NAALADL2: variants seen among roughly 807,000 people sequenced by gnomAD.
The protein encoded by NAALADL2 is inactive N-acetylated-alpha-linked acidic dipeptidase-like protein 2.
NAALADL2 carries 76 observed loss-of-function variants against 87.2 expected under a neutral mutation model. The ratio of observed to expected loss-of-function variants is 0.87; its 90% confidence interval spans 0.72 to 1.05. The LOEUF (loss-of-function observed/expected upper bound fraction) is 1.05. Ranked by LOEUF, NAALADL2 falls within the 50% of genes least tolerant of loss-of-function variation. The pLI is 0.00. For missense variants in NAALADL2, 1,089 were observed against 945.8 expected, an observed-to-expected ratio of 1.15 and a Z score of -1.99; for synonymous variants, 354 against 331.0, an observed-to-expected ratio of 1.07 and a Z score of -0.75.
intron 1 of NAALADL2, among the ~76,000 whole-genome samples, chr3:175,083,920 TAACTC>T (rs1424810637): frequency 6.6e-6 from 1 of 152,150 alleles, no homozygotes; most frequent in Non-Finnish European, 1.5e-5. Context: ...AGATAAAAGA[TAACTC>T]AACAAATTAA....
intron 2 of NAALADL2, among the ~76,000 whole-genome samples, chr3:174,629,739 T>A (rs1721927069): frequency 6.6e-6 from 1 of 152,220 alleles, no homozygotes; most frequent in South Asian, 2.1e-4. Context: ...CTTGAGGGGC[T>A]TAGCTATTTC....
At chr3:174,990,482 G>A (rs901980336) in intron 1 of NAALADL2, among the ~76,000 whole-genome samples, 2 of 152,100 alleles carry the variant, frequency 1.3e-5, no homozygotes, top group Non-Finnish European at 2.9e-5. Context: ...TATAGTTGGA[G>A]GGTTTTTATA....
intron 1 of NAALADL2, among the ~76,000 whole-genome samples, chr3:174,939,394 G>T (rs1159244052): frequency 6.6e-6 from 1 of 152,048 alleles, no homozygotes; most frequent in Non-Finnish European, 1.5e-5. Context: ...GTGCCATGCT[G>T]CTTTGGTTAC....
At chr3:175,059,808 G>T in intron 1 of NAALADL2, 1 of 306,272 alleles carries the variant, frequency 3.3e-6, no homozygotes, top group East Asian at 9.9e-5. Flanking sequence ...TTGCCCAAAG[G>T]TTTCTTCACT....
At chr3:174,441,609 C>T (rs1714639904) in intron 1 of NAALADL2, among the ~76,000 whole-genome samples, 1 of 152,202 alleles carries the variant, frequency 6.6e-6, no homozygotes. Context: ...GAAAGAGCAG[C>T]CTGGGATCAG....
chr3:174,927,886 C>A (rs370003403), intron 1 of NAALADL2, among the ~76,000 whole-genome samples: 1 of 152,126 alleles, frequency 6.6e-6, no homozygotes, highest in Admixed American at 6.5e-5. Flanking sequence ...GATAGAGACA[C>A]AAAAAACCCT....
At chr3:174,486,931 A>G (rs1361913427) in intron 1 of NAALADL2, among the ~76,000 whole-genome samples, 1 of 151,968 alleles carries the variant, frequency 6.6e-6, no homozygotes, top group Non-Finnish European at 1.5e-5. Context: ...AAGAGCTGCC[A>G]CCTTCTTATG....
intron 13 of NAALADL2, among the ~76,000 whole-genome samples, chr3:175,793,465 G>A (rs1030367787): frequency 3.3e-5 from 5 of 151,098 alleles, no homozygotes; most frequent in African/African-American, 7.3e-5. Flanking sequence ...ACCCGCCACC[G>A]CGCCCGGCTA....
intron 5 of NAALADL2, among the ~76,000 whole-genome samples, chr3:175,419,153 A>G (rs751009887): frequency 3.3e-5 from 5 of 151,664 alleles, no homozygotes; most frequent in Non-Finnish European, 5.9e-5. Flanking sequence ...ATCATTTTAC[A>G]TGCTGCCTCT....
At chr3:175,379,216 T>C (rs867725020) in intron 5 of NAALADL2, among the ~76,000 whole-genome samples, 26 of 150,544 alleles carry the variant, frequency 1.7e-4, no homozygotes, top group African/African-American at 5.9e-4. Flanking sequence ...TCCTGTAGAA[T>C]AGTCTTCTTT....
At chr3:175,148,350 G>C (rs1404399460) in intron 2 of NAALADL2, among the ~76,000 whole-genome samples, 1 of 151,630 alleles carries the variant, frequency 6.6e-6, no homozygotes, top group Non-Finnish European at 1.5e-5. Context: ...GATCTTTGTG[G>C]GATACTTAAT....
intron 11 of NAALADL2, among the ~76,000 whole-genome samples, chr3:175,704,829 T>A (rs1168915270): frequency 6.6e-6 from 1 of 152,204 alleles, no homozygotes. Flanking sequence ...AGCCCTAGAA[T>A]CTGTCTTTGA....
intron 13 of NAALADL2, among the ~76,000 whole-genome samples, chr3:175,793,054 C>A (rs1163489417): frequency 6.6e-6 from 1 of 152,184 alleles, no homozygotes; most frequent in Non-Finnish European, 1.5e-5. Flanking sequence ...CTGAAATAAT[C>A]TGGTGAAAGA....
intron 2 of NAALADL2, among the ~76,000 whole-genome samples, chr3:175,192,702 C>T (rs546441289): frequency 5.9e-5 from 9 of 152,116 alleles, no homozygotes; most frequent in Non-Finnish European, 1.0e-4. Flanking sequence ...TGACTAACAA[C>T]GATGTTAGCC....
chr3:174,793,094 C>T (rs900547093), intron 3 of NAALADL2, among the ~76,000 whole-genome samples: 2 of 151,994 alleles, frequency 1.3e-5, no homozygotes, highest in Non-Finnish European at 2.9e-5. Flanking sequence ...ATAACAATGT[C>T]CTTAAGTACA....
chr3:174,556,297 G>A (rs1192689541), intron 2 of NAALADL2, among the ~76,000 whole-genome samples: 2 of 152,028 alleles, frequency 1.3e-5, no homozygotes, highest in African/African-American at 4.8e-5. Flanking sequence ...CCTTATATGA[G>A]TAAAGATCCT....
chr3:175,207,063 A>T (rs1188361274), intron 2 of NAALADL2, among the ~76,000 whole-genome samples: 1 of 152,192 alleles, frequency 6.6e-6, no homozygotes, highest in African/African-American at 2.4e-5. Flanking sequence ...ATGCAAACGT[A>T]TATATTGTAA....
chr3:175,705,990 A>C (rs1036374747), intron 11 of NAALADL2, among the ~76,000 whole-genome samples: 1 of 152,154 alleles, frequency 6.6e-6, no homozygotes, highest in African/African-American at 2.4e-5. Flanking sequence ...TAATCAAATA[A>C]TAACCTTGTA....
rs565838927 is a variant in NAALADL2, at chr3:175,778,369, A to G, written c.2189+22951A>G. On this transcript the variant is annotated intron_variant, in intron 13 of 13. Transcript: ENST00000454872. ...ATAAAAGGACAGCTAGTTTATTTGT[A>G]TAGACTCTTACAAGGCATGATATGT... 3.3e-5 allele frequency among the ~76,000 whole-genome samples: 5 copies of G among 152,340 alleles called. No homozygotes were observed. The South Asian group carries it at 8.3e-4, about 25-fold the overall frequency.
Sources: gnomAD v4.1 joint callset for allele counts (sites outside exome capture counted in the v4.1 genomes callset) on GRCh38, gnomAD v4.1.1 for gene constraint, MANE v1.5 for transcripts, NCBI Gene and HGNC (gene_info 2026-07-23, HGNC 2026-07-21) for gene names.